TMEM232: variants seen among roughly 807,000 people sequenced by gnomAD.
TMEM232 encodes the protein transmembrane protein 232.
A neutral mutation model predicts 78.8 loss-of-function variants in TMEM232; 80 were observed. That is an observed-to-expected ratio of 1.01 (90% confidence interval 0.85 to 1.22). The LOEUF (loss-of-function observed/expected upper bound fraction) is 1.22, where lower values mean the gene tolerates loss of function less well. TMEM232 is among the 50% of genes most tolerant of loss of function. The pLI is 0.00. For missense variants in TMEM232, 881 were observed against 742.2 expected, an observed-to-expected ratio of 1.19 and a Z score of -2.17; for synonymous variants, 297 against 254.3, an observed-to-expected ratio of 1.17 and a Z score of -1.60.
In TMEM232 at chr5:110,689,811, G is replaced by C. The variant is rs554665324; in HGVS notation, c.-12-22447C>G. ...ATATATAGACCAATGAAACAGAATAGAGGCCACAGAAATAATGCCACACAT... is the reference window on the plus strand; with the variant it reads ...ATATATAGACCAATGAAACAGAATACAGGCCACAGAAATAATGCCACACAT... On this transcript the variant is annotated intron_variant, in intron 1 of 13. Coordinates refer to ENST00000455884, the MANE Select transcript of TMEM232 (RefSeq NM_001039763.4). 3.9e-5 allele frequency among the ~76,000 whole-genome samples: 6 copies of C among 152,208 alleles called. No homozygotes were observed. The South Asian group carries it at 1.0e-3, about 26-fold the overall frequency.
intron 1 of TMEM232, among the ~76,000 whole-genome samples, chr5:110,700,827 T>TAG (rs1554081853): frequency 6.6e-6 from 1 of 150,900 alleles, no homozygotes; most frequent in Non-Finnish European, 1.5e-5. Context: ...GATAGATAGA[T>TAG]ATAATAGAGA....
chr5:110,532,105 G>C (rs1264152967), intron 11 of TMEM232, among the ~76,000 whole-genome samples: 1 of 152,102 alleles, frequency 6.6e-6, no homozygotes, highest in Non-Finnish European at 1.5e-5. Flanking sequence ...TCCCCCAGGA[G>C]CTTGCTACAA....
At chr5:110,430,565 A>G (rs1376927343) in intron 12 of TMEM232, among the ~76,000 whole-genome samples, 1 of 151,752 alleles carries the variant, frequency 6.6e-6, no homozygotes, top group Middle Eastern at 3.2e-3. Flanking sequence ...AACAATACAG[A>G]CAAATAAATG....
At chr5:110,701,221 G>T (rs1046498343) in intron 1 of TMEM232, among the ~76,000 whole-genome samples, 1 of 151,866 alleles carries the variant, frequency 6.6e-6, no homozygotes, top group East Asian at 1.9e-4. Flanking sequence ...AACAGAAAAA[G>T]AACTTGATGA....
At chr5:110,509,769 G>GAA (rs1767495210) in intron 12 of TMEM232, among the ~76,000 whole-genome samples, 1 of 152,068 alleles carries the variant, frequency 6.6e-6, no homozygotes, top group Non-Finnish European at 1.5e-5. Flanking sequence ...CCTACATTCA[G>GAA]TGAACACAAT....
intron 12 of TMEM232, among the ~76,000 whole-genome samples, chr5:110,433,160 C>G (rs1758049202): frequency 6.6e-6 from 1 of 151,774 alleles, no homozygotes; most frequent in Admixed American, 6.6e-5. Context: ...TTACTCCACC[C>G]AACAACGACA....
intron 1 of TMEM232, among the ~76,000 whole-genome samples, chr5:110,681,114 G>A (rs1792695072): frequency 6.6e-6 from 1 of 152,100 alleles, no homozygotes; most frequent in African/African-American, 2.4e-5. Context: ...AAGGAAATGT[G>A]CAGTTCATAA....
chr5:110,652,099 C>G (rs1788394615), intron 2 of TMEM232, among the ~76,000 whole-genome samples: 1 of 152,092 alleles, frequency 6.6e-6, no homozygotes, highest in Non-Finnish European at 1.5e-5. Flanking sequence ...TGAAAGTAAA[C>G]TGAGCCAAAT....
chr5:110,396,033 CT>C (rs1276340158), intron 3 of TMEM232, among the ~76,000 whole-genome samples: 6 of 152,216 alleles, frequency 3.9e-5, no homozygotes, highest in Admixed American at 2.0e-4. Flanking sequence ...ATACCTGAGA[CT>C]GGGTAATTTA....
In TMEM232 at chr5:110,605,180, A is replaced by T; in HGVS notation, c.1205T>A (p.Val402Glu). 1 of 1,550,768 alleles carries T rather than the reference A, an allele frequency of 6.4e-7. No individual in the cohort carries two copies. Among genetic ancestry groups the T allele is most frequent in the Non-Finnish European group, 8.7e-7 (1 of 1,146,354 alleles). Reference sequence around the variant, plus strand: ...ACTTGTTTCCTTTAATTCTGGAGGTACTGATTTGTCCAAGTATAAAATATT... The same window carrying T: ...ACTTGTTTCCTTTAATTCTGGAGGTTCTGATTTGTCCAAGTATAAAATATT... ...QKNILYLDKS[V>E]PPELKETSIL... The change falls in exon 10 of 14, where the codon GTA becomes GAA. Residue 402 changes from valine (V) to glutamate (E), a missense_variant. Coordinates refer to ENST00000455884, the MANE Select transcript of TMEM232 (RefSeq NM_001039763.4).
chr5:110,672,981 C>T (rs913704478), intron 1 of TMEM232, among the ~76,000 whole-genome samples: 10 of 152,134 alleles, frequency 6.6e-5, no homozygotes, highest in African/African-American at 2.2e-4. Context: ...GTAAATCATG[C>T]TGCTATAAAG....
At chr5:110,584,372 A>G (rs1018142876) in intron 10 of TMEM232, among the ~76,000 whole-genome samples, 4 of 152,092 alleles carry the variant, frequency 2.6e-5, no homozygotes, top group African/African-American at 9.7e-5. Context: ...GCCTGAAAAC[A>G]TTACGCTAAG....
At chr5:110,718,744 T>C (rs1483300396) in intron 1 of TMEM232, among the ~76,000 whole-genome samples, 1 of 152,082 alleles carries the variant, frequency 6.6e-6, no homozygotes, top group African/African-American at 2.4e-5. Flanking sequence ...TTGGTGTGCT[T>C]AAGGGTTACC....
At chr5:110,446,836 T>G (rs1470860117) in intron 12 of TMEM232, among the ~76,000 whole-genome samples, 2 of 152,104 alleles carry the variant, frequency 1.3e-5, no homozygotes, top group African/African-American at 2.4e-5. Context: ...ATCCCTATAA[T>G]AGCACTCTCA....
At chr5:110,509,289 G>T (rs1371648652) in intron 12 of TMEM232, among the ~76,000 whole-genome samples, 1 of 151,826 alleles carries the variant, frequency 6.6e-6, no homozygotes, top group Non-Finnish European at 1.5e-5. Flanking sequence ...AAAAAAATTA[G>T]CTAGGTGTGG....
intron 6 of TMEM232, among the ~76,000 whole-genome samples, chr5:110,626,432 A>T (rs1002563647): frequency 2.6e-5 from 4 of 152,022 alleles, no homozygotes; most frequent in Non-Finnish European, 4.4e-5. Flanking sequence ...GACTTATGCT[A>T]ATGGTACTAA....
At chr5:110,431,287 A>G (rs1757812263) in intron 12 of TMEM232, among the ~76,000 whole-genome samples, 1 of 151,594 alleles carries the variant, frequency 6.6e-6, no homozygotes, top group Admixed American at 6.6e-5. Context: ...CAAATCTACA[A>G]AACGAGAGAG....
intron 7 of TMEM232, among the ~76,000 whole-genome samples, chr5:110,623,255 T>A (rs553940216): frequency 6.6e-6 from 1 of 152,222 alleles, no homozygotes; most frequent in South Asian, 2.1e-4. Flanking sequence ...TATCCTAATG[T>A]ATCGTAATAT....
chr5:110,553,304 T>C (rs1018619040), intron 11 of TMEM232, among the ~76,000 whole-genome samples: 12 of 152,228 alleles, frequency 7.9e-5, no homozygotes, highest in Non-Finnish European at 1.8e-4. Context: ...ACATTCAATA[T>C]GCATATTGCT....
Sources: gnomAD v4.1 joint callset for allele counts (sites outside exome capture counted in the v4.1 genomes callset) on GRCh38, gnomAD v4.1.1 for gene constraint, MANE v1.5 for transcripts, NCBI Gene and HGNC (gene_info 2026-07-23, HGNC 2026-07-21) for gene names.